The following CFAP54 variants were observed in gnomAD, a reference collection of about 807,000 sequenced individuals.
CFAP54 encodes the protein cilia- and flagella-associated protein 54.
In CFAP54, 290 loss-of-function variants were observed where a neutral mutation model predicts 370.4. The ratio of observed to expected loss-of-function variants is 0.78; its 90% CI spans 0.71 to 0.86. CFAP54 has a LOEUF of 0.86. Among genes scored for constraint, CFAP54 ranks in the 40% least tolerant of loss-of-function variants. The pLI is 0.00. For synonymous variants in CFAP54, 1,206 were observed against 1,236.5 expected, an observed-to-expected ratio of 0.98 and a Z score of 0.52; for missense variants, 3,399 against 3,528.7, an observed-to-expected ratio of 0.96 and a Z score of 0.93.
intron 32 of CFAP54, among the ~76,000 whole-genome samples, chr12:96,641,434 G>T (rs1592901366): frequency 6.6e-6 from 1 of 152,234 alleles, no homozygotes; most frequent in Admixed American, 6.5e-5. Context: ...AACAAGAGGT[G>T]CTGGAGAGGA....
intron 55 of CFAP54, among the ~76,000 whole-genome samples, chr12:96,752,132 G>GAGAGAGA (rs1807832409): frequency 7.3e-6 from 1 of 136,858 alleles, no homozygotes; most frequent in African/African-American, 2.8e-5. Flanking sequence ...GAGAGAGAGA[G>GAGAGAGA]ATTGAGGCTG....
intron 63 of CFAP54, among the ~76,000 whole-genome samples, chr12:96,798,083 G>A (rs889033350): frequency 6.6e-5 from 10 of 151,642 alleles, no homozygotes; most frequent in African/African-American, 2.2e-4. Context: ...GACTTACATG[G>A]CATTACTGTA....
intron 19 of CFAP54, chr12:96,565,176 G>A (rs12426076): frequency 0.16 from 24,962 of 152,422 alleles, 3,270 homozygotes; most frequent in East Asian, 0.51. Context: ...ATTTTTAATC[G>A]GGTCTCACTC....
At chr12:96,759,029 AT>A (rs752499755) in intron 58 of CFAP54, among the ~76,000 whole-genome samples, 30 of 152,194 alleles carry the variant, frequency 2.0e-4, no homozygotes, top group Middle Eastern at 6.8e-3. Context: ...TTTCATCCTT[AT>A]TGAATAATCA....
At chr12:96,742,390 C>T (rs117291891) in intron 51 of CFAP54, 49 bp from the exon 52 acceptor site, 1 of 1,402,736 alleles carries the variant, frequency 7.1e-7, no homozygotes, top group Non-Finnish European at 1.0e-6. Context: ...TAGGCTAGAA[C>T]CTTGACATTA....
chr12:96,647,084 C>G (rs1343912683), intron 33 of CFAP54: 2 of 151,908 alleles, frequency 1.3e-5, no homozygotes, highest in Non-Finnish European at 2.9e-5. Context: ...CACATGTACC[C>G]TAAAACTTAA....
intron 15 of CFAP54, among the ~76,000 whole-genome samples, chr12:96,553,486 T>A (rs892029664): frequency 1.1e-5 from 1 of 88,066 alleles, no homozygotes; most frequent in African/African-American, 3.7e-5. Flanking sequence ...ATATATATAG[T>A]TATATATATA....
At chr12:96,561,946 C>A (rs146201676) in intron 17 of CFAP54, among the ~76,000 whole-genome samples, 4 of 151,460 alleles carry the variant, frequency 2.6e-5, no homozygotes, top group Non-Finnish European at 5.9e-5. Context: ...CCAACATGCC[C>A]GGCTAATTTT....
In CFAP54 at chr12:96,685,156, A is replaced by G. The variant is rs138695321; in HGVS notation, c.5932A>G (p.Lys1978Glu). The G allele has an allele frequency of 7.2e-5, 116 of 1,613,994 alleles. No homozygotes were observed. The highest frequency in any genetic ancestry group is 3.3e-5 in the Non-Finnish European group (39 of 1,180,006). ...CAACAGTCATTCACCTCCGGGTTTCAAAGACTACAGTGAGGAGTTTCTGTC... is the reference window on the plus strand; with the variant it reads ...CAACAGTCATTCACCTCCGGGTTTCGAAGACTACAGTGAGGAGTTTCTGTC... Reference protein sequence around the residue: ...VTNSHSPPGFKDYSEEFLSRV... With the variant: ...VTNSHSPPGFEDYSEEFLSRV... The change falls in exon 42 of 68, where the codon AAA (lysine) becomes GAA (glutamate). Residue 1978 changes from lysine (K) to glutamate (E), a missense_variant. Transcript: ENST00000524981.
intron 66 of CFAP54, among the ~76,000 whole-genome samples, chr12:96,850,864 G>T (rs533703386): frequency 6.6e-6 from 1 of 152,186 alleles, no homozygotes; most frequent in East Asian, 1.9e-4. Context: ...GAACTCCCTC[G>T]CTATCAGGAG....
rs796540468 is a variant in CFAP54, at chr12:96,580,970, T to C, written c.2940T>C (p.Asn980=). 1 of 1,533,136 alleles carries C rather than the reference T, an allele frequency of 6.5e-7. No homozygotes were observed. Among genetic ancestry groups the C allele is most frequent in the Non-Finnish European group, 8.7e-7 (1 of 1,145,218 alleles). The allele number at this position is 1,533,136 out of a possible 1,614,324, so 95.0% of individuals were successfully genotyped here. ...TTGAAGTGAAAGGTTTAGAAACCAA[T>C]GAAAAGTATGTATTTGCAGTTGCTG... ...SVFEVKGLET[N]EKYVFAVAAY... The change falls in exon 22 of 68, where the codon AAT becomes AAC. Residue 980 remains asparagine (N), a synonymous_variant. Coordinates refer to ENST00000524981, the MANE Select transcript of CFAP54 (RefSeq NM_001306084.2).
In CFAP54 at chr12:96,623,791, A is replaced by C; in HGVS notation, c.3796A>C (p.Thr1266Pro). The change falls in exon 28 of 68, where the codon ACT becomes CCT. Residue 1266 changes from threonine (T) to proline (P), a missense_variant. Coordinates refer to ENST00000524981, the MANE Select transcript of CFAP54 (RefSeq NM_001306084.2). ...GGATTCTTCTAAGAAGTCTTTAAAG[A>C]CTAAGAAGCCACAGCAGATACTACT... ...EEDSSKKSLK[T>P]KKPQQILLPE... 6.5e-7 allele frequency: 1 copy of C among 1,534,272 alleles called. No homozygotes were observed. Among genetic ancestry groups the C allele is most frequent in the Non-Finnish European group, 8.7e-7 (1 of 1,145,556 alleles).
chr12:96,809,561 T>C (rs1005886494), intron 63 of CFAP54, among the ~76,000 whole-genome samples: 10 of 152,222 alleles, frequency 6.6e-5, no homozygotes, highest in African/African-American at 2.2e-4. Flanking sequence ...GGATATTAAT[T>C]ATGGTTTCAT....
At chr12:96,748,570 T>TA (rs1958145805) in intron 55 of CFAP54, among the ~76,000 whole-genome samples, 1 of 152,184 alleles carries the variant, frequency 6.6e-6, no homozygotes, top group Non-Finnish European at 1.5e-5. Context: ...TCTCTGCAAA[T>TA]ACCTTTCTTG....
In CFAP54 at chr12:96,821,702, T is replaced by TAA. The variant is rs10577712; in HGVS notation, c.9096+3807_9096+3808dup. On this transcript the variant is annotated intron_variant, in intron 65 of 67. Transcript: ENST00000524981. ...TCCACAATACTAATGAGCACTTTAT[T>TAA]AAAAAAAAAAAAAAAAAAAGCTCGA... is the stretch of plus-strand genomic sequence containing the variant. 3.7e-3 allele frequency among the ~76,000 whole-genome samples: 485 copies of TAA among 131,878 alleles called. 8 individuals are homozygous for TAA. Among genetic ancestry groups the TAA allele is most frequent in the East Asian group, 1.3e-3 (6 of 4,604 alleles). 86.5% of individuals were successfully genotyped at this position (131,878 alleles called of 152,430 possible).
chr12:96,781,479 A>C (rs1438604685), intron 60 of CFAP54, among the ~76,000 whole-genome samples: 1 of 152,148 alleles, frequency 6.6e-6, no homozygotes, highest in Non-Finnish European at 1.5e-5. Flanking sequence ...CTATACAATC[A>C]TAATAATGTA....
In CFAP54 at chr12:96,784,877, G is replaced by A. The variant is rs936645381; in HGVS notation, c.8442G>A (p.Leu2814=). 1 of 1,517,872 alleles carries A rather than the reference G, an allele frequency of 6.6e-7. No homozygotes were observed. Among genetic ancestry groups the A allele is most frequent in the Non-Finnish European group, 8.8e-7 (1 of 1,138,348 alleles). 94.0% of individuals were successfully genotyped at this position (1,517,872 alleles called of 1,614,324 possible). A position where few individuals can be genotyped will look rare whatever the true frequency, so the allele number is the denominator to read the frequency against. Residue 2814 remains leucine, a synonymous_variant, in exon 61 of 68, where the codon CTG becomes CTA. Transcript: ENST00000524981. ...TTCACCTTCAGAGGATTAATAATCT[G>A]AGCAAACTGCTAGGTAGGTTTTTTG... The part of the protein sequence containing the change: ...YYIHLQRINN[L]SKLLASATPV...
chr12:96,773,065 C>T (rs1958480055), intron 60 of CFAP54, among the ~76,000 whole-genome samples: 2 of 152,270 alleles, frequency 1.3e-5, no homozygotes, highest in African/African-American at 4.8e-5. Flanking sequence ...TATCAACTGT[C>T]AGAGTTCCAT....
chr12:96,527,884 A>G (rs1955401091), intron 9 of CFAP54, among the ~76,000 whole-genome samples: 1 of 152,182 alleles, frequency 6.6e-6, no homozygotes, highest in African/African-American at 2.4e-5. Context: ...ATTTATATTG[A>G]TCTTGAATTC....
Sources: allele counts gnomAD v4.1 joint callset (sites outside exome capture counted in the v4.1 genomes callset), GRCh38; gene constraint gnomAD v4.1.1; transcripts MANE v1.5; gene names NCBI Gene and HGNC (gene_info 2026-07-23, HGNC 2026-07-21).